The following STK3 variants were observed in gnomAD, a reference collection of about 807,000 sequenced individuals.
The protein encoded by STK3 is serine/threonine-protein kinase 3.
A neutral mutation model predicts 58.0 loss-of-function variants in STK3; 41 were observed. That is an observed-to-expected ratio of 0.71 (90% CI 0.55 to 0.92). STK3 has a LOEUF of 0.92. Ranked by LOEUF, STK3 falls within the 40% of genes least tolerant of loss-of-function variation. STK3 has a pLI of 0.00. For synonymous variants in STK3, 170 were observed against 191.0 expected, an observed-to-expected ratio of 0.89 and a Z score of 0.91; for missense variants, 479 against 602.7, an observed-to-expected ratio of 0.79 and a Z score of 2.15.
intron 8 of STK3, among the ~76,000 whole-genome samples, chr8:98,565,359 G>A (rs763367682): frequency 2.6e-5 from 4 of 151,832 alleles, no homozygotes; most frequent in African/African-American, 7.3e-5. Flanking sequence ...ATACTATATC[G>A]AGTATCACAA....
chr8:98,802,061 A>G (rs977554487), intron 1 of STK3, among the ~76,000 whole-genome samples: 4 of 152,176 alleles, frequency 2.6e-5, no homozygotes, highest in Admixed American at 2.6e-4. Context: ...AGTCCTAGCT[A>G]TTGAGGAGGC....
intron 9 of STK3, among the ~76,000 whole-genome samples, chr8:98,547,104 A>G (rs922661230): frequency 6.6e-6 from 1 of 152,218 alleles, no homozygotes; most frequent in African/African-American, 2.4e-5. Flanking sequence ...CTACAATGCT[A>G]GAAGTCATGT....
At chr8:98,805,585 T>A (rs1372834665) in intron 1 of STK3, among the ~76,000 whole-genome samples, 1 of 151,504 alleles carries the variant, frequency 6.6e-6, no homozygotes, top group Non-Finnish European at 1.5e-5. Context: ...CAAAAAATAA[T>A]AATAATAATA....
chr8:98,466,419 T>C (rs1820467147), intron 10 of STK3, among the ~76,000 whole-genome samples: 1 of 152,240 alleles, frequency 6.6e-6, no homozygotes, highest in South Asian at 2.1e-4. Flanking sequence ...ATTTCACTGA[T>C]TTCTGGTCAC....
At chr8:98,570,634 C>T (rs985528645) in intron 8 of STK3, among the ~76,000 whole-genome samples, 5 of 151,778 alleles carry the variant, frequency 3.3e-5, no homozygotes, top group East Asian at 1.9e-4. Context: ...GCAAAAAAAA[C>T]CCGAAAACTA....
chr8:98,429,974 G>C (rs574918409), intron 3 of STK3: 1 of 167,438 alleles, frequency 6.0e-6, no homozygotes, highest in South Asian at 2.1e-4. Context: ...CTTGACCAAT[G>C]CAAGTCTCTA....
At chr8:98,413,417 A>T in intron 3 of STK3, 1 of 564,652 alleles carries the variant, frequency 1.8e-6, no homozygotes, top group South Asian at 1.4e-5. Flanking sequence ...TTTCCTGCTG[A>T]TCCCTCACTT....
intron 6 of STK3, among the ~76,000 whole-genome samples, chr8:98,655,618 T>C (rs1308823276): frequency 6.6e-6 from 1 of 151,158 alleles, no homozygotes; most frequent in East Asian, 1.9e-4. Context: ...GAATCTATAA[T>C]GAACTCAAAC....
Position 98,906,989 on chromosome 8 carries a change from T to TAAAAAAA in STK3, c.-78-23162_-78-23156dup, listed in dbSNP as rs3085954. ...ATAGGGATAACCCCATCTCTACCAA[T>TAAAAAAA]AAAAAAAAAAAAAAAAAAATTAGCC... On this transcript the variant is annotated intron_variant, in intron 1 of 1. Coordinates refer to the STK3 transcript ENST00000519420. Among the ~76,000 whole-genome samples, 21 of 94,770 alleles carry TAAAAAAA rather than the reference T, an allele frequency of 2.2e-4. 1 individual carries two copies. The highest frequency in any genetic ancestry group is 7.5e-4 in the African/African-American group (18 of 23,920). The allele number at this position is 94,770 out of a possible 152,430, so 62.2% of individuals were successfully genotyped here. A position where few individuals can be genotyped will look rare whatever the true frequency, so the allele number is the denominator to read the frequency against.
chr8:98,605,731 A>T (rs1175981595), intron 6 of STK3, among the ~76,000 whole-genome samples: 1 of 152,118 alleles, frequency 6.6e-6, no homozygotes, highest in Non-Finnish European at 1.5e-5. Context: ...GTCCCCGCTT[A>T]AATCTCCTGT....
chr8:98,354,191 A>G, the STK3 span, among the ~76,000 whole-genome samples: 2 of 152,214 alleles, frequency 1.3e-5, no homozygotes, highest in Non-Finnish European at 2.9e-5. Context: ...TGGTCTACCA[A>G]TGGTTGTCTT....
intron 7 of STK3, among the ~76,000 whole-genome samples, chr8:98,593,445 T>C (rs1714412522): frequency 6.6e-6 from 1 of 152,164 alleles, no homozygotes; most frequent in Admixed American, 6.5e-5. Context: ...TAAACTATGA[T>C]TTAAATTAGG....
At chr8:98,530,371 T>A (rs1826081495) in intron 9 of STK3, among the ~76,000 whole-genome samples, 1 of 152,218 alleles carries the variant, frequency 6.6e-6, no homozygotes, top group Non-Finnish European at 1.5e-5. Flanking sequence ...CCATGTATTC[T>A]CATCATTTAG....
intron 10 of STK3, among the ~76,000 whole-genome samples, chr8:98,523,848 C>A (rs1213988752): frequency 1.3e-5 from 2 of 152,152 alleles, no homozygotes; most frequent in African/African-American, 4.8e-5. Context: ...GTGATGCACA[C>A]AAGTTTTCCA....
chr8:98,407,745 TGTGTGTGTGTGTGCGC>T (rs1239271798), intron 3 of STK3, among the ~76,000 whole-genome samples: 1 of 118,702 alleles, frequency 8.4e-6, no homozygotes, highest in African/African-American at 2.6e-5. Flanking sequence ...TGTGTGTGTG[TGTGTGTGTGTGTGCGC>T]GCGCGCGCGC....
intron 9 of STK3, among the ~76,000 whole-genome samples, chr8:98,532,736 A>T (rs13268777): frequency 0.4 from 60,199 of 151,664 alleles, 12,174 homozygotes; most frequent in Admixed American, 0.52. Flanking sequence ...AATAAAAAAA[A>T]TTTTTTTAAT....
intron 9 of STK3, among the ~76,000 whole-genome samples, chr8:98,532,694 T>C (rs887287789): frequency 3.9e-5 from 6 of 152,170 alleles, no homozygotes; most frequent in African/African-American, 1.2e-4. Context: ...ATGGTTAAGA[T>C]GGTGAATTTT....
intron 8 of STK3, among the ~76,000 whole-genome samples, chr8:98,560,232 T>C (rs1266205868): frequency 1.3e-5 from 2 of 152,186 alleles, no homozygotes; most frequent in East Asian, 3.9e-4. Context: ...GTCTAGTTAG[T>C]ACAATAAGAA....
chr8:98,816,621 C>T (rs1834565396), intron 1 of STK3, among the ~76,000 whole-genome samples: 1 of 152,106 alleles, frequency 6.6e-6, no homozygotes, highest in South Asian at 2.1e-4. Context: ...GCAACCTCCA[C>T]CTCCTGGGTT....
Sources: allele counts gnomAD v4.1 joint callset (sites outside exome capture counted in the v4.1 genomes callset), GRCh38; gene constraint gnomAD v4.1.1; transcripts MANE v1.5; gene names NCBI Gene and HGNC (gene_info 2026-07-23, HGNC 2026-07-21).